The following RAB8B variants were observed in gnomAD, a reference collection of about 807,000 sequenced individuals.
The protein encoded by RAB8B is ras-related protein Rab-8B.
Under a neutral mutation model 32.0 loss-of-function variants are expected in RAB8B, and 11 were observed. The ratio of observed to expected loss-of-function variants is 0.34; its 90% CI spans 0.22 to 0.57. The LOEUF (loss-of-function observed/expected upper bound fraction) is 0.57. Ranked by LOEUF, RAB8B falls within the 20% of genes least tolerant of loss-of-function variation. The pLI is 0.86. For synonymous variants in RAB8B, 103 were observed against 89.6 expected, an observed-to-expected ratio of 1.15 and a Z score of -0.85; for missense variants, 190 against 258.5, an observed-to-expected ratio of 0.73 and a Z score of 1.82.
rs1332115267 is a variant in RAB8B, at chr15:63,259,934, A to C, written c.480+242A>C. Among the ~76,000 whole-genome samples, 1 of 151,922 alleles carries C rather than the reference A, an allele frequency of 6.6e-6. No individual in the cohort carries two copies. The highest frequency in any genetic ancestry group is 1.5e-5 in the Non-Finnish European group (1 of 67,998). On this transcript the variant is annotated intron_variant, in intron 6 of 7. Transcript: ENST00000321437. This position sits in a 1 kb window ranked among gnomAD's most constrained non-coding sequence, Gnocchi z 4.4. The stretch of plus-strand genomic sequence containing the variant: ...ACTGCAACCTCTGCCTCCCAGGTTC[A>C]AGCGATTCTCCTGCCTCAGCCTCCC...
intron 3 of RAB8B, among the ~76,000 whole-genome samples, chr15:63,254,897 G>A (rs2038147379): frequency 6.6e-6 from 1 of 152,078 alleles, no homozygotes; most frequent in Non-Finnish European, 1.5e-5. Context: ...GGGTGACAGA[G>A]CGAGACTGTG....
chr15:63,205,072 C>T (rs2037687114), intron 1 of RAB8B, among the ~76,000 whole-genome samples: 2 of 151,838 alleles, frequency 1.3e-5, no homozygotes, highest in Admixed American at 6.6e-5. Flanking sequence ...CCGAGGCAGG[C>T]GGATCACCTG....
At chr15:63,192,313 C>T (rs959231062) in intron 1 of RAB8B, among the ~76,000 whole-genome samples, 1 of 152,250 alleles carries the variant, frequency 6.6e-6, no homozygotes, top group African/African-American at 2.4e-5. Flanking sequence ...GTTCCACAGA[C>T]TCTTCACTGA....
chr15:63,220,115 C>A (rs2037831475), intron 1 of RAB8B, among the ~76,000 whole-genome samples: 1 of 152,122 alleles, frequency 6.6e-6, no homozygotes, highest in Non-Finnish European at 1.5e-5. Flanking sequence ...TTATATCAGG[C>A]CTTTTAATAT....
intron 2 of RAB8B, among the ~76,000 whole-genome samples, chr15:63,245,848 C>A (rs1281914776): frequency 3.3e-5 from 5 of 152,188 alleles, no homozygotes; most frequent in Non-Finnish European, 5.9e-5. Context: ...ACACATGAAG[C>A]TGAATATAAC....
At chr15:63,261,298 A>G (rs917088989) in intron 6 of RAB8B, among the ~76,000 whole-genome samples, 1 of 152,214 alleles carries the variant, frequency 6.6e-6, no homozygotes, top group Non-Finnish European at 1.5e-5. Context: ...ATGTAGAGAA[A>G]GGGGAACCCT....
intron 1 of RAB8B, among the ~76,000 whole-genome samples, chr15:63,230,679 G>T (rs1004825812): frequency 6.6e-6 from 1 of 152,128 alleles, no homozygotes; most frequent in African/African-American, 2.4e-5. Context: ...GCAGGAGAGA[G>T]TATGATTTTA....
intron 1 of RAB8B, among the ~76,000 whole-genome samples, chr15:63,208,607 G>T (rs1298688845): frequency 1.3e-5 from 2 of 152,082 alleles, no homozygotes; most frequent in African/African-American, 4.8e-5. Flanking sequence ...ATTAAAAAGT[G>T]TAAGATTAAC....
chr15:63,202,979 A>G (rs921560390), intron 1 of RAB8B, among the ~76,000 whole-genome samples: 3 of 152,204 alleles, frequency 2.0e-5, no homozygotes, highest in Non-Finnish European at 2.9e-5. Flanking sequence ...CTTAGCCTTT[A>G]TAGTCTTGAT....
intron 1 of RAB8B, among the ~76,000 whole-genome samples, chr15:63,191,837 A>G (rs2141103430): frequency 6.6e-6 from 1 of 152,242 alleles, no homozygotes; most frequent in South Asian, 2.1e-4. Flanking sequence ...TTTTTGTCCC[A>G]TGTTTCCTGT....
At chr15:63,240,806 C>CAAAA (rs11312318) in intron 1 of RAB8B, among the ~76,000 whole-genome samples, 26 of 113,764 alleles carry the variant, frequency 2.3e-4, no homozygotes, top group East Asian at 1.7e-3. Flanking sequence ...ATGTTCCTAA[C>CAAAA]AAAAAAAAAA....
intron 1 of RAB8B, among the ~76,000 whole-genome samples, chr15:63,230,988 C>G (rs1362906957): frequency 1.3e-5 from 2 of 152,146 alleles, no homozygotes; most frequent in Non-Finnish European, 2.9e-5. Context: ...TCCTCCTCCC[C>G]TCTCTACTAA....
intron 1 of RAB8B, among the ~76,000 whole-genome samples, chr15:63,219,307 A>AAAAG (rs1039349272): frequency 1.3e-5 from 2 of 151,842 alleles, no homozygotes; most frequent in African/African-American, 2.4e-5. Context: ...AAAAAAAAAA[A>AAAAG]AAAGAAAGAA....
chr15:63,191,863 C>G (rs2037558506), intron 1 of RAB8B, among the ~76,000 whole-genome samples: 1 of 152,080 alleles, frequency 6.6e-6, no homozygotes, highest in Non-Finnish European at 1.5e-5. Context: ...TATCTGGTTC[C>G]TTTTAAAATA....
chr15:63,197,370 C>CT (rs58765418), intron 1 of RAB8B, among the ~76,000 whole-genome samples: 11,956 of 61,720 alleles, frequency 0.19, 1,687 homozygotes, highest in East Asian at 0.36. Context: ...TCTTTCTTTT[C>CT]TTTTTTTTTT....
chr15:63,234,405 G>C (rs910519385), intron 1 of RAB8B, among the ~76,000 whole-genome samples: 2 of 152,192 alleles, frequency 1.3e-5, no homozygotes, highest in African/African-American at 4.8e-5. Context: ...GTGTAAAAGA[G>C]TCTTGTCAAT....
At chr15:63,243,320 T>A (rs1290351682) in intron 1 of RAB8B, among the ~76,000 whole-genome samples, 1 of 152,214 alleles carries the variant, frequency 6.6e-6, no homozygotes, top group African/African-American at 2.4e-5. Context: ...CTGGACAGAA[T>A]GCAAAAGAAT....
intron 1 of RAB8B, among the ~76,000 whole-genome samples, chr15:63,202,905 A>C (rs969360495): frequency 2.6e-5 from 4 of 152,280 alleles, no homozygotes; most frequent in African/African-American, 9.6e-5. Flanking sequence ...TCAGCTTTTT[A>C]TATAACGAAG....
intron 1 of RAB8B, among the ~76,000 whole-genome samples, chr15:63,243,359 A>G (rs1305752949): frequency 6.6e-6 from 1 of 152,258 alleles, no homozygotes; most frequent in African/African-American, 2.4e-5. Context: ...CTGAGTAGCC[A>G]GATGATGACG....
Sources: gnomAD v4.1 joint callset for allele counts (sites outside exome capture counted in the v4.1 genomes callset) on GRCh38, gnomAD v4.1.1 for gene constraint, Gnocchi (gnomAD v3.1) non-coding constraint, MANE v1.5 for transcripts, NCBI Gene and HGNC (gene_info 2026-07-23, HGNC 2026-07-21) for gene names.